MRPL13: variants seen among roughly 807,000 people sequenced by gnomAD.
MRPL13 encodes large ribosomal subunit protein uL13m.
In MRPL13, 33 loss-of-function variants were observed where a neutral mutation model predicts 29.0. The observed-to-expected ratio is 1.14, with a 90% CI of 0.86 to 1.52. The LOEUF (loss-of-function observed/expected upper bound fraction) is 1.52. Ranked by LOEUF, MRPL13 falls within the 40% of genes most tolerant of loss-of-function variation. MRPL13 has a pLI of 0.00. For synonymous variants in MRPL13, 77 were observed against 68.4 expected, an observed-to-expected ratio of 1.13 and a Z score of -0.62; for missense variants, 227 against 216.7, an observed-to-expected ratio of 1.05 and a Z score of -0.30.
chr8:120,442,844 T>A (rs1411737409), intron 2 of MRPL13, among the ~76,000 whole-genome samples: 1 of 152,160 alleles, frequency 6.6e-6, no homozygotes, highest in Non-Finnish European at 1.5e-5. Flanking sequence ...CCTTAAAAAC[T>A]CTTTATATGG....
intron 5 of MRPL13, chr8:120,414,863 T>A (rs1424081638): frequency 6.6e-6 from 1 of 152,166 alleles, no homozygotes; most frequent in Non-Finnish European, 1.5e-5. Flanking sequence ...ATGTATCCAA[T>A]ATTCAGAAAA....
In MRPL13 at chr8:120,396,042, G is replaced by C. The variant is rs1313589562; in HGVS notation, c.*62C>G. On this transcript the variant is annotated 3_prime_UTR_variant, in exon 7 of 7. Coordinates refer to ENST00000306185, the MANE Select transcript of MRPL13 (RefSeq NM_014078.6). ...TTGTTTTACTCCATCCTGTAGGTTAGAGAAACTCATCAGAAGAAAGTTTCA... is the reference window on the plus strand; with the variant it reads ...TTGTTTTACTCCATCCTGTAGGTTACAGAAACTCATCAGAAGAAAGTTTCA... 38 of 1,401,260 alleles carry C rather than the reference G, an allele frequency of 2.7e-5. No individual in the cohort carries two copies. The highest frequency in any genetic ancestry group is 3.8e-5 in the Non-Finnish European group (38 of 1,006,330). The allele number at this position is 1,401,260 out of a possible 1,614,324, so 86.8% of individuals were successfully genotyped here.
At chr8:120,444,935 T>G in intron 1 of MRPL13, 133 bp downstream of exon 1, 1 of 1,169,042 alleles carries the variant, frequency 8.6e-7, no homozygotes, top group Non-Finnish European at 1.3e-6. Flanking sequence ...CCTCTTGTGC[T>G]TTCCCAAGTC....
At chr8:120,418,630 G>T (rs551427569) in intron 5 of MRPL13, among the ~76,000 whole-genome samples, 1 of 152,116 alleles carries the variant, frequency 6.6e-6, no homozygotes, top group South Asian at 2.1e-4. Context: ...GAACTATCGT[G>T]AATACTTAAA....
At chr8:120,443,341 A>T (rs1194132467) in intron 1 of MRPL13, 33 bp from the exon 2 acceptor site, 1 of 1,494,036 alleles carries the variant, frequency 6.7e-7, no homozygotes, top group Non-Finnish European at 9.0e-7. Context: ...AAGAAGAGGA[A>T]AAAATAAAGA....
intron 2 of MRPL13, among the ~76,000 whole-genome samples, chr8:120,437,097 T>G (rs1270466118): frequency 6.6e-6 from 1 of 152,182 alleles, no homozygotes; most frequent in Non-Finnish European, 1.5e-5. Flanking sequence ...AAAATCTCCT[T>G]CAGTGCTTTG....
At chr8:120,415,235 T>A (rs910249338) in intron 5 of MRPL13, 5 of 152,158 alleles carry the variant, frequency 3.3e-5, no homozygotes, top group African/African-American at 1.2e-4. Flanking sequence ...CGGTAAGATA[T>A]CAGTATGGAA....
At chr8:120,424,721 GT>G (rs527956281) in intron 4 of MRPL13, among the ~76,000 whole-genome samples, 5 of 152,106 alleles carry the variant, frequency 3.3e-5, no homozygotes, top group Non-Finnish European at 7.4e-5. Context: ...AGCTATCATT[GT>G]GCCACTGTGC....
chr8:120,397,454 A>T (rs1427615078), intron 6 of MRPL13, among the ~76,000 whole-genome samples: 1 of 152,160 alleles, frequency 6.6e-6, no homozygotes, highest in Non-Finnish European at 1.5e-5. Context: ...CAGGCTGGAG[A>T]CTGCCTGAGA....
chr8:120,428,255 G>C (rs1368151297), intron 3 of MRPL13, among the ~76,000 whole-genome samples: 1 of 151,928 alleles, frequency 6.6e-6, no homozygotes, highest in Non-Finnish European at 1.5e-5. Flanking sequence ...AGGATTCCCT[G>C]TTCAATAAAT....
chr8:120,423,643 C>G (rs911781599), intron 4 of MRPL13, among the ~76,000 whole-genome samples: 2 of 151,968 alleles, frequency 1.3e-5, no homozygotes, highest in Non-Finnish European at 2.9e-5. Context: ...TATAGCAAAA[C>G]TATCTTTCAA....
intron 6 of MRPL13, among the ~76,000 whole-genome samples, chr8:120,396,436 C>T (rs1047503594): frequency 6.6e-6 from 1 of 151,952 alleles, no homozygotes; most frequent in Non-Finnish European, 1.5e-5. Context: ...TTTATAAAGT[C>T]CTTATTGAAA....
chr8:120,431,171 A>C (rs1460180134), intron 3 of MRPL13, among the ~76,000 whole-genome samples: 2 of 152,216 alleles, frequency 1.3e-5, no homozygotes, highest in African/African-American at 4.8e-5. Flanking sequence ...GATGAAAAGT[A>C]ACAAATGGGA....
chr8:120,422,963 G>A (rs756627472), intron 4 of MRPL13, among the ~76,000 whole-genome samples: 2 of 151,754 alleles, frequency 1.3e-5, no homozygotes, highest in Admixed American at 6.6e-5. Context: ...TATAAATTGC[G>A]GACCTACAAA....
chr8:120,429,670 T>C (rs1474300639), intron 3 of MRPL13, among the ~76,000 whole-genome samples: 1 of 152,166 alleles, frequency 6.6e-6, no homozygotes, highest in Non-Finnish European at 1.5e-5. Flanking sequence ...GAATTTTCTA[T>C]TAAGTGAAAA....
At chr8:120,406,819 C>T (rs904545544) in intron 6 of MRPL13, among the ~76,000 whole-genome samples, 2 of 152,100 alleles carry the variant, frequency 1.3e-5, no homozygotes, top group Non-Finnish European at 2.9e-5. Flanking sequence ...TTGTGCTAAA[C>T]TTTCCATAGC....
intron 6 of MRPL13, among the ~76,000 whole-genome samples, chr8:120,399,241 G>A (rs906462873): frequency 7.2e-5 from 11 of 152,134 alleles, no homozygotes; most frequent in African/African-American, 2.4e-4. Flanking sequence ...AGGACAGCCA[G>A]AGAGAAAGGC....
At chr8:120,401,394 G>C (rs1419884354) in intron 6 of MRPL13, among the ~76,000 whole-genome samples, 1 of 152,094 alleles carries the variant, frequency 6.6e-6, no homozygotes, top group East Asian at 1.9e-4. Context: ...AAGAACGAAA[G>C]ACATAACCAT....
chr8:120,436,504 G>A (rs1230034753), intron 2 of MRPL13, among the ~76,000 whole-genome samples: 2 of 151,930 alleles, frequency 1.3e-5, no homozygotes, highest in African/African-American at 4.8e-5. Context: ...TAGATTGTTT[G>A]TTTTTTTACT....
Sources: gnomAD v4.1 joint callset for allele counts (sites outside exome capture counted in the v4.1 genomes callset) on GRCh38, gnomAD v4.1.1 for gene constraint, MANE v1.5 for transcripts, NCBI Gene and HGNC (gene_info 2026-07-23, HGNC 2026-07-21) for gene names.